The following SLC26A4 variants were observed in gnomAD, a reference collection of about 807,000 sequenced individuals.
The protein encoded by SLC26A4 is solute carrier family 26 member 4, also known as pendrin.
In SLC26A4, 93 loss-of-function variants were observed where a neutral mutation model predicts 90.4. That is an observed-to-expected ratio of 1.03 (90% CI 0.87 to 1.22). The LOEUF (loss-of-function observed/expected upper bound fraction) is 1.22. Among genes scored for constraint, SLC26A4 ranks in the 50% most tolerant of loss-of-function variants. The pLI is 0.00. For synonymous variants in SLC26A4, 393 were observed against 354.6 expected (o/e 1.11, Z -1.22); for missense variants, 1,127 against 946.2 (o/e 1.19, Z -2.51).
At chr7:107,685,376 TAA>T (rs1791367445) in intron 8 of SLC26A4, among the ~76,000 whole-genome samples, 1 of 152,132 alleles carries the variant, frequency 6.6e-6, no homozygotes, top group African/African-American at 2.4e-5. Flanking sequence ...AGCAGAGTTT[TAA>T]AGTGGCCCTG....
intron 10 of SLC26A4, chr7:107,693,609 C>T: frequency 1.0e-6 from 1 of 985,474 alleles, no homozygotes; most frequent in South Asian, 4.7e-5. Flanking sequence ...ATTCATTGGT[C>T]ATCTAATCAA....
At chr7:107,702,237 A>G (rs1427248839) in intron 17 of SLC26A4, among the ~76,000 whole-genome samples, 180 bp downstream of exon 17, 1 of 152,192 alleles carries the variant, frequency 6.6e-6, no homozygotes, top group East Asian at 1.9e-4. Context: ...CCTGGGGGAG[A>G]TACTGGCTTC....
chr7:107,709,857 T>C (rs187933334), intron 18 of SLC26A4, among the ~76,000 whole-genome samples, 197 bp from the exon 19 acceptor site: 37 of 151,776 alleles, frequency 2.4e-4, no homozygotes, highest in African/African-American at 8.5e-4. Flanking sequence ...TAGCTGGGCA[T>C]GGTAGGGTGT....
intron 3 of SLC26A4, among the ~76,000 whole-genome samples, chr7:107,671,021 C>T (rs1216562408): frequency 6.6e-6 from 1 of 152,094 alleles, no homozygotes; most frequent in Non-Finnish European, 1.5e-5. Context: ...TTCTTTGGGT[C>T]TAACTTTTCT....
chr7:107,670,178 C>T (rs1168341286), intron 3 of SLC26A4, among the ~76,000 whole-genome samples: 2 of 149,184 alleles, frequency 1.3e-5, no homozygotes, highest in African/African-American at 5.0e-5. Flanking sequence ...GGCGCAATCT[C>T]GGCTCACTGA....
chr7:107,667,460 T>TAAAAAA (rs1562820547), intron 3 of SLC26A4, among the ~76,000 whole-genome samples: 6 of 26,426 alleles, frequency 2.3e-4, no homozygotes, highest in South Asian at 1.7e-3. Flanking sequence ...GAGAGAAGGT[T>TAAAAAA]TAAAAAAAAA....
At chr7:107,702,355 T>C (rs572938078) in intron 17 of SLC26A4, among the ~76,000 whole-genome samples, 2 of 152,292 alleles carry the variant, frequency 1.3e-5, no homozygotes, top group South Asian at 4.1e-4. Flanking sequence ...CACAGGTTGT[T>C]ACAAGGATTA....
In SLC26A4 at chr7:107,715,532, T is replaced by C; in HGVS notation, c.*86T>C. 3 of 992,006 alleles carry C rather than the reference T, an allele frequency of 3.0e-6. No individual in the cohort carries two copies. Among genetic ancestry groups the C allele is most frequent in the Non-Finnish European group, 4.9e-6 (3 of 611,474 alleles). The allele number at this position is 992,006 out of a possible 1,614,324, so 61.5% of individuals were successfully genotyped here. A position where few individuals can be genotyped will look rare whatever the true frequency, so the allele number is the denominator to read the frequency against. ...GACTATTTCTTCAGACTCAAAACAC[T>C]CATTCTTTTTTCTATTAAGCCATTG... On this transcript the variant is annotated 3_prime_UTR_variant, in exon 21 of 21. Transcript: ENST00000644269.
chr7:107,689,334 T>C (rs1355080775), intron 9 of SLC26A4, 134 bp downstream of exon 9: 7 of 868,718 alleles, frequency 8.1e-6, no homozygotes, highest in Non-Finnish European at 1.3e-5. Flanking sequence ...GGTTTTCCTC[T>C]TGTGTTTGCT....
Position 107,683,504 on chromosome 7 carries a change from A to G in SLC26A4, c.968A>G (p.Tyr323Cys). The change falls in exon 8 of 21, where the codon TAC becomes TGC. Residue 323 changes from tyrosine (Y) to cysteine (C), a missense_variant. Transcript: ENST00000644269. Reference protein sequence around the residue: ...ISYGANLEKNYNAGIVKSIPR... With the variant: ...ISYGANLEKNCNAGIVKSIPR... The stretch of plus-strand genomic sequence containing the variant: ...TATGGAGCCAACCTGGAAAAAAATT[A>G]CAATGCTGGCATTGTTAAATCCATC... 6.2e-7 allele frequency: 1 copy of G among 1,613,896 alleles called. No homozygotes were observed.
rs11973872 is a variant in SLC26A4, at chr7:107,677,081, G to A, written c.765+1972G>A. ...AGTCCCAGCTACTTGGGAGGCTGAG[G>A]TGAGAGGATCACCTGAGCTCAGGAA... On this transcript the variant is annotated intron_variant, in intron 6 of 20. Coordinates refer to ENST00000644269, the MANE Select transcript of SLC26A4 (RefSeq NM_000441.2). Among the ~76,000 whole-genome samples the A allele has an allele frequency of 7.3e-3, 1,106 of 152,270 alleles. 10 individuals are homozygous for A. Among genetic ancestry groups the A allele is most frequent in the Middle Eastern group, 0.014 (4 of 294 alleles).
At chr7:107,693,628 G>T (rs980749850) in intron 10 of SLC26A4, 8 of 985,800 alleles carry the variant, frequency 8.1e-6, no homozygotes, top group Non-Finnish European at 9.6e-6. Flanking sequence ...AAACGAGAGA[G>T]TAGTCCCCAC....
Position 107,715,680 on chromosome 7 carries a change from T to C in SLC26A4, c.*234T>C. ...CAGCGTCCAGGGTAAGCTGGTGTTA[T>C]AATACGCTGCTGATCTACATCACAG... On this transcript the variant is annotated 3_prime_UTR_variant, in exon 21 of 21. Transcript: ENST00000644269. The C allele has an allele frequency of 1.7e-6, 1 of 576,122 alleles. No homozygotes were observed. Among genetic ancestry groups the C allele is most frequent in the South Asian group, 2.1e-5 (1 of 46,994 alleles). The allele number at this position is 576,122 out of a possible 1,614,324, so 35.7% of individuals were successfully genotyped here.
chr7:107,688,590 C>G (rs921579840), intron 8 of SLC26A4, among the ~76,000 whole-genome samples: 7 of 152,208 alleles, frequency 4.6e-5, no homozygotes, highest in Non-Finnish European at 8.8e-5. Flanking sequence ...GGATTTTCCA[C>G]TGAGCTCTTT....
intron 13 of SLC26A4, among the ~76,000 whole-genome samples, chr7:107,697,131 A>G (rs1282722065): frequency 6.6e-6 from 1 of 152,216 alleles, no homozygotes; most frequent in Non-Finnish European, 1.5e-5. Context: ...CACGTCTCAG[A>G]AACGCTCCTT....
chr7:107,682,043 T>G (rs1791246131), intron 6 of SLC26A4, among the ~76,000 whole-genome samples: 1 of 140,578 alleles, frequency 7.1e-6, no homozygotes, highest in African/African-American at 2.7e-5. Context: ...GAGGGTGATG[T>G]GGAAGGATTG....
chr7:107,703,862 T>A (rs1430319511), intron 17 of SLC26A4, among the ~76,000 whole-genome samples: 1 of 152,230 alleles, frequency 6.6e-6, no homozygotes, highest in Non-Finnish European at 1.5e-5. Context: ...AATATTTAGA[T>A]CCTATATACC....
chr7:107,681,130 A>C (rs2701690), intron 6 of SLC26A4, among the ~76,000 whole-genome samples: 119,379 of 151,552 alleles, frequency 0.79, 47,700 homozygotes, highest in African/African-American at 0.93. Flanking sequence ...GTCAGTGTAA[A>C]TGCCTTTAGC....
At chr7:107,708,129 T>C (rs1420829467) in intron 18 of SLC26A4, among the ~76,000 whole-genome samples, 1 of 152,202 alleles carries the variant, frequency 6.6e-6, no homozygotes, top group Non-Finnish European at 1.5e-5. Flanking sequence ...AGGCCCACAC[T>C]TTAGCCTTCC....
Sources: allele counts gnomAD v4.1 joint callset (sites outside exome capture counted in the v4.1 genomes callset), GRCh38; gene constraint gnomAD v4.1.1; transcripts MANE v1.5; gene names NCBI Gene and HGNC (gene_info 2026-07-23, HGNC 2026-07-21).